Variants in PRC1 observed in about 807,000 individuals in gnomAD.
PRC1 encodes the protein anaphase spindle elongation 1 homolog.
Under a neutral mutation model 91.2 loss-of-function variants are expected in PRC1, and 54 were observed. That is an observed-to-expected ratio of 0.59 (90% CI 0.48 to 0.74). The LOEUF (loss-of-function observed/expected upper bound fraction) is 0.74, where lower values mean the gene tolerates loss of function less well. Among genes scored for constraint, PRC1 ranks in the 30% least tolerant of loss-of-function variants. The probability of loss-of-function intolerance (pLI) is 0.00; values close to 1 mark genes in which losing one functional copy is unlikely to be tolerated. For missense variants in PRC1, 727 were observed against 746.2 expected, an observed-to-expected ratio of 0.97 and a Z score of 0.30; for synonymous variants, 275 against 263.6, an observed-to-expected ratio of 1.04 and a Z score of -0.42.
intron 8 of PRC1, chr15:90,977,291 A>C (rs968150561): frequency 6.6e-6 from 1 of 152,538 alleles, no homozygotes; most frequent in African/African-American, 2.4e-5. Flanking sequence ...AAACACCACT[A>C]CACTCGGACC....
Position 90,984,005 on chromosome 15 carries a change from G to A in PRC1, c.267+13C>T. The A allele has an allele frequency of 6.2e-7, 1 of 1,613,640 alleles. No homozygotes were observed. The highest frequency in any genetic ancestry group is 8.5e-7 in the Non-Finnish European group (1 of 1,179,664). The stretch of plus-strand genomic sequence containing the variant: ...CAGACAGATCACCAGAGACCCTGTG[G>A]GCTGCCACGGACCTGAAATGGCTCA... On this transcript the variant is annotated intron_variant, in intron 3 of 14. Transcript: ENST00000394249. This position sits in a 1 kb window ranked among gnomAD's most constrained non-coding sequence, Gnocchi z 5.1.
chr15:90,970,200 G>A (rs565487251), intron 12 of PRC1, among the ~76,000 whole-genome samples: 2 of 152,206 alleles, frequency 1.3e-5, no homozygotes, highest in South Asian at 4.1e-4. Flanking sequence ...TGGTACCAGT[G>A]GGGCTCAGAG....
chr15:90,992,704 C>G (rs1403290960), intron 1 of PRC1, among the ~76,000 whole-genome samples: 1 of 122,474 alleles, frequency 8.2e-6, no homozygotes, highest in Non-Finnish European at 1.5e-5. Context: ...AGCAGCAAGT[C>G]TGAGTTTTTT....
intron 1 of PRC1, among the ~76,000 whole-genome samples, 195 bp downstream of exon 1, chr15:90,994,212 C>G (rs907766130): frequency 1.8e-4 from 28 of 152,224 alleles, no homozygotes; most frequent in African/African-American, 6.3e-4. Context: ...CGCGTCAGGT[C>G]TCACCGCCGC....
intron 11 of PRC1, among the ~76,000 whole-genome samples, chr15:90,972,470 A>G (rs1400791414): frequency 6.6e-6 from 1 of 152,184 alleles, no homozygotes; most frequent in Non-Finnish European, 1.5e-5. Context: ...TAGGCCAGGC[A>G]CAGTGGCTCA....
chr15:90,984,803 T>C lies in PRC1; in HGVS notation c.34A>G (p.Ile12Val). Residue 12 changes from isoleucine (I) to valine (V), a missense_variant, in exon 2 of 15, where the codon ATA becomes GTA. Coordinates refer to ENST00000394249, the MANE Select transcript of PRC1 (RefSeq NM_003981.4). The surrounding 1 kb of genome is among the most constrained non-coding windows in gnomAD (Gnocchi z 5.1). ...TTTAGGGCTTTCTGCAGACATACTA[T>C]GGACTCCTCCGCCAGCACCTCACTG... is the stretch of plus-strand genomic sequence containing the variant. Reference protein sequence around the residue: ...RRSEVLAEESIVCLQKALNHL... With the variant: ...RRSEVLAEESVVCLQKALNHL... 1 of 1,614,154 alleles carries C rather than the reference T, an allele frequency of 6.2e-7. No homozygotes were observed. The highest frequency in any genetic ancestry group is 8.5e-7 in the Non-Finnish European group (1 of 1,180,014).
rs754145218 is a variant in PRC1, at chr15:90,981,503, C to T, written c.668G>A (p.Arg223Gln). Residue 223 changes from arginine to glutamine, a missense_variant, in exon 5 of 15, where the codon CGG becomes CAG. Arg to Gln is a conservative substitution (Grantham distance 43). Transcript: ENST00000394249. ...ENIATLQKLL[R>Q]QLEMQKSQNE... ...CATAATTTGAGAAGACAGTACCTGCCGTAGCAACTTTTGTAGTGTTGCAAT... is the reference window on the plus strand; with the variant it reads ...CATAATTTGAGAAGACAGTACCTGCTGTAGCAACTTTTGTAGTGTTGCAAT... 5 of 1,613,752 alleles carry T rather than the reference C, an allele frequency of 3.1e-6. No homozygotes were observed. In the South Asian group the frequency reaches 4.4e-5, roughly 14 times the overall value.
Position 90,994,447 on chromosome 15 carries a change from G to A in PRC1, c.-30C>T, listed in dbSNP as rs757033342. On this transcript the variant is annotated 5_prime_UTR_variant, in exon 1 of 15. Coordinates refer to ENST00000394249, the MANE Select transcript of PRC1 (RefSeq NM_003981.4). ...GACGCTCCAAGCAGCCGTGAGTCCAGGTCCAGACCTACTCCACACGGCCCC... is the reference window on the plus strand; with the variant it reads ...GACGCTCCAAGCAGCCGTGAGTCCAAGTCCAGACCTACTCCACACGGCCCC... 5 of 1,607,886 alleles carry A rather than the reference G, an allele frequency of 3.1e-6. No homozygotes were observed. The South Asian group carries it at 3.3e-5, about 11-fold the overall frequency.
intron 1 of PRC1, among the ~76,000 whole-genome samples, chr15:90,993,211 C>CTT (rs10679998): frequency 0.2 from 24,729 of 122,894 alleles, 3,919 homozygotes; most frequent in East Asian, 0.47. Flanking sequence ...TGTTAATGGA[C>CTT]TTTTTTTTTT....
chr15:90,983,882 C>A (rs1221181419), intron 3 of PRC1, 136 bp downstream of exon 3: 2 of 1,214,144 alleles, frequency 1.6e-6, no homozygotes, highest in Non-Finnish European at 2.3e-6. Context: ...ATTAACTACA[C>A]AGCATGTTTT....
chr15:90,986,287 C>T (rs1157729811), intron 1 of PRC1, among the ~76,000 whole-genome samples: 1 of 152,186 alleles, frequency 6.6e-6, no homozygotes, highest in Non-Finnish European at 1.5e-5. Context: ...AGATGTCTAT[C>T]AACAGAATGA....
chr15:90,988,058 C>T (rs1270388093), intron 1 of PRC1: 3 of 151,930 alleles, frequency 2.0e-5, no homozygotes, highest in African/African-American at 7.3e-5. Context: ...AGTTCAAGTC[C>T]AACAGAACTT....
chr15:90,970,016 C>T (rs2037966676), intron 12 of PRC1, among the ~76,000 whole-genome samples: 1 of 152,172 alleles, frequency 6.6e-6, no homozygotes, highest in Non-Finnish European at 1.5e-5. Context: ...TGTTTTGCCA[C>T]ATACTTTCCA....
intron 13 of PRC1, 101 bp from the exon 14 acceptor site, chr15:90,969,221 T>G: frequency 7.5e-7 from 1 of 1,334,180 alleles, no homozygotes. Context: ...TGGTATGTAT[T>G]AAGCAGAAGG....
rs1435801919 is a variant in PRC1 at position 90,966,059 on chromosome 15, CAGATTTTAATTTATTTTTA to C, written c.*1053_*1071del. 1 of 152,158 alleles carries C rather than the reference CAGATTTTAATTTATTTTTA, an allele frequency of 6.6e-6. No homozygotes were observed. The highest frequency in any genetic ancestry group is 2.4e-5 in the African/African-American group (1 of 41,408). 9.4% of individuals were successfully genotyped at this position (152,158 alleles called of 1,614,324 possible). A position where few individuals can be genotyped will look rare whatever the true frequency, so the allele number is the denominator to read the frequency against. ...TATATCTTTTTGAAATGTAAGTATA[CAGATTTTAATTTATTTTTA>C]AGAATAATTGTATATTTTAAAAACA... On this transcript the variant is annotated 3_prime_UTR_variant, in exon 15 of 15. Transcript: ENST00000394249.
intron 11 of PRC1, among the ~76,000 whole-genome samples, chr15:90,972,537 A>T (rs953545586): frequency 3.9e-5 from 6 of 152,140 alleles, no homozygotes; most frequent in African/African-American, 1.4e-4. Context: ...GAGGTCAGGA[A>T]TTCAAGACCC....
intron 14 of PRC1, chr15:90,968,287 G>C (rs571166722): frequency 4.1e-6 from 4 of 985,356 alleles, no homozygotes; most frequent in Admixed American, 6.1e-5. Context: ...CACGTAATTT[G>C]AAAAACATGC....
Position 90,974,661 on chromosome 15 carries a change from C to G in PRC1, c.1274G>C (p.Gly425Ala). 1 of 1,614,202 alleles carries G rather than the reference C, an allele frequency of 6.2e-7. No individual in the cohort carries two copies. Among genetic ancestry groups the G allele is most frequent in the Non-Finnish European group, 8.5e-7 (1 of 1,180,038 alleles). ...TGCCACATACTCCATGAATTTCTGC[C>G]CATTCACCATAAATGCCTTTGAATG... ...QEHSKAFMVNGQKFMEYVAEQ... is the reference protein window; with the variant it reads ...QEHSKAFMVNAQKFMEYVAEQ... The change falls in exon 10 of 15, where the codon GGG becomes GCG. Residue 425 changes from glycine (G) to alanine (A), a missense_variant. Transcript: ENST00000394249. This position sits in a 1 kb window ranked among gnomAD's most constrained non-coding sequence, Gnocchi z 4.6.
chr15:90,983,921 T>C, intron 3 of PRC1, 97 bp downstream of exon 3: 6 of 1,486,972 alleles, frequency 4.0e-6, no homozygotes, highest in Non-Finnish European at 5.5e-6. Context: ...GCTCCATCCC[T>C]ACGAGGAAGC....
Sources: gnomAD v4.1 joint callset for allele counts (sites outside exome capture counted in the v4.1 genomes callset) on GRCh38, gnomAD v4.1.1 for gene constraint, Gnocchi (gnomAD v3.1) non-coding constraint, MANE v1.5 for transcripts, NCBI Gene and HGNC (gene_info 2026-07-23, HGNC 2026-07-21) for gene names.